Variants in SLC41A3 observed in about 807,000 individuals in gnomAD.
SLC41A3 encodes solute carrier family 41 member 3, also known as SLC41A1-like 2.
Under a neutral mutation model 45.4 loss-of-function variants are expected in SLC41A3, and 44 were observed. That is an observed-to-expected ratio of 0.97 (90% CI 0.76 to 1.25). The LOEUF (loss-of-function observed/expected upper bound fraction) is 1.25, where lower values mean the gene tolerates loss of function less well. SLC41A3 is among the 50% of genes most tolerant of loss of function. The pLI is 0.00. For missense variants in SLC41A3, 550 were observed against 600.6 expected, an observed-to-expected ratio of 0.92 and a Z score of 0.88; for synonymous variants, 256 against 252.4, an observed-to-expected ratio of 1.01 and a Z score of -0.13.
chr3:126,059,419 C>A (rs971966198), intron 2 of SLC41A3, among the ~76,000 whole-genome samples: 3 of 151,970 alleles, frequency 2.0e-5, no homozygotes, highest in Admixed American at 6.6e-5. Context: ...AAGGAATGCC[C>A]GTAACACTCA....
upstream of SLC41A3, among the ~76,000 whole-genome samples, chr3:126,088,715 C>T (rs1028717857): frequency 1.3e-5 from 2 of 151,990 alleles, no homozygotes; most frequent in Non-Finnish European, 2.9e-5. Context: ...TATTTAAAAC[C>T]AGAGGGTATA....
intron 3 of SLC41A3, among the ~76,000 whole-genome samples, chr3:126,045,512 T>C (rs2107843859): frequency 6.6e-6 from 1 of 152,202 alleles, no homozygotes; most frequent in Admixed American, 6.5e-5. Flanking sequence ...CCAAACACAC[T>C]AGGCAGCCTA....
chr3:126,048,816 A>G (rs534369505), intron 3 of SLC41A3, among the ~76,000 whole-genome samples: 1 of 152,304 alleles, frequency 6.6e-6, no homozygotes, highest in Admixed American at 6.5e-5. Context: ...CTGTGTCTCA[A>G]CTAGGGTCAC....
intron 5 of SLC41A3, 89 bp from the exon 6 acceptor site, chr3:126,023,021 A>G: frequency 6.5e-7 from 1 of 1,545,926 alleles, no homozygotes. Context: ...GATGGGCGGC[A>G]CTGAGTAGGG....
upstream of SLC41A3, among the ~76,000 whole-genome samples, chr3:126,085,624 A>G (rs757103566): frequency 6.6e-6 from 1 of 152,208 alleles, no homozygotes. Context: ...TCAGAGACAC[A>G]TTCTAAAGGG....
At chr3:126,087,185 A>C (rs1357397316), upstream of SLC41A3, among the ~76,000 whole-genome samples, 1 of 152,108 alleles carries the variant, frequency 6.6e-6, no homozygotes, top group Non-Finnish European at 1.5e-5. Context: ...AAGACATGGA[A>C]TATGGTTGGT....
intron 1 of SLC41A3, among the ~76,000 whole-genome samples, chr3:126,080,833 T>G (rs1945112381): frequency 6.6e-6 from 1 of 152,042 alleles, no homozygotes; most frequent in Admixed American, 6.6e-5. Context: ...CGCCTGTAGT[T>G]CCAGCTACTT....
intron 4 of SLC41A3, 47 bp downstream of exon 4, chr3:126,033,560 C>A: frequency 1.3e-6 from 2 of 1,593,942 alleles, no homozygotes; most frequent in Non-Finnish European, 1.7e-6. Context: ...CCTGGGGAAG[C>A]CTGGCTGCAG....
chr3:126,011,887 G>A (rs1193250799), intron 9 of SLC41A3, among the ~76,000 whole-genome samples: 2 of 146,728 alleles, frequency 1.4e-5, no homozygotes, highest in Admixed American at 6.8e-5. Context: ...TTCTTAGAAA[G>A]GAAATCCAAA....
At chr3:126,100,747 C>T (rs907542936) in intron 1 of SLC41A3, among the ~76,000 whole-genome samples, 1 of 152,164 alleles carries the variant, frequency 6.6e-6, no homozygotes, top group Non-Finnish European at 1.5e-5. Context: ...AGTCAGGTGT[C>T]CTTGCACTCT....
At position 126,008,830 on chromosome 3, in the gene SLC41A3, G is replaced by A. The variant is rs140403061; in HGVS notation, c.1156C>T (p.His386Tyr). The A allele has an allele frequency of 1.9e-6, 3 of 1,614,024 alleles. No homozygotes were observed. The highest frequency in any genetic ancestry group is 2.5e-6 in the Non-Finnish European group (3 of 1,180,032). ...TAGATGATGTAGAAGAAAATCAGAT[G>A]GCCTGGGACCACCAGCAAGAGCAGG... ...RVLLLLVVPG[H>Y]LIFFYIIYLV... The change falls in exon 10 of 11, where the codon CAT (histidine) becomes TAT (tyrosine). Residue 386 changes from histidine to tyrosine, a missense_variant. By Grantham distance (83) the His-to-Tyr change is moderately conservative. Transcript: ENST00000360370.
intron 1 of SLC41A3, among the ~76,000 whole-genome samples, chr3:126,101,041 C>G (rs1394210426): frequency 6.6e-6 from 1 of 152,248 alleles, no homozygotes; most frequent in African/African-American, 2.4e-5. Context: ...GGAGATGAGC[C>G]TCCATGATGT....
intron 3 of SLC41A3, among the ~76,000 whole-genome samples, chr3:126,039,366 T>C (rs762288282): frequency 1.1e-4 from 16 of 152,340 alleles, no homozygotes; most frequent in South Asian, 2.1e-4. Flanking sequence ...CTGAATCTCA[T>C]TGTAGAAGAA....
chr3:126,080,367 T>TA (rs138214039), intron 1 of SLC41A3, among the ~76,000 whole-genome samples: 98,337 of 151,684 alleles, frequency 0.65, 32,095 homozygotes, highest in Middle Eastern at 0.71. Context: ...CAACTCAATA[T>TA]AAAAAAAATC....
intron 6 of SLC41A3, among the ~76,000 whole-genome samples, chr3:126,019,925 C>T (rs1020762376): frequency 3.9e-5 from 6 of 151,954 alleles, no homozygotes; most frequent in African/African-American, 1.2e-4. Context: ...TGGAGCAGCT[C>T]GAATCCCACA....
chr3:126,066,462 A>C (rs1167592272), intron 2 of SLC41A3, among the ~76,000 whole-genome samples: 1 of 152,208 alleles, frequency 6.6e-6, no homozygotes, highest in Admixed American at 6.5e-5. Flanking sequence ...GTTTTGGGAT[A>C]ACTTGTTAGG....
chr3:126,069,114 CA>C (rs962070871), intron 1 of SLC41A3, among the ~76,000 whole-genome samples: 4 of 141,048 alleles, frequency 2.8e-5, no homozygotes, highest in Non-Finnish European at 4.7e-5. Context: ...CTTTTGACAG[CA>C]AAAACTGCAA....
At chr3:126,010,739 G>A (rs1939623797) in intron 9 of SLC41A3, among the ~76,000 whole-genome samples, 2 of 152,190 alleles carry the variant, frequency 1.3e-5, no homozygotes, top group African/African-American at 2.4e-5. Context: ...GCCATGTGGG[G>A]AGCAACAACA....
rs756216901 is a variant in SLC41A3, at chr3:126,006,494, T to TA, written c.*521dup. The TA allele has an allele frequency of 1.2e-5, 20 of 1,613,950 alleles. No homozygotes were observed. In the South Asian group the frequency reaches 1.8e-4, roughly 14 times the overall value. ...AATGTTGAGTGCAGATGAAGGGTTG[T>TA]ATGAGGCCCCATCCTGGGGAGGCTG... On this transcript the variant is annotated 3_prime_UTR_variant, in exon 11 of 11. Coordinates refer to ENST00000360370, the MANE Select transcript of SLC41A3 (RefSeq NM_017836.4).
Sources: gnomAD v4.1 joint callset for allele counts (sites outside exome capture counted in the v4.1 genomes callset) on GRCh38, gnomAD v4.1.1 for gene constraint, MANE v1.5 for transcripts, NCBI Gene and HGNC (gene_info 2026-07-23, HGNC 2026-07-21) for gene names.